The following PTPRT variants were observed in gnomAD, a reference collection of about 807,000 sequenced individuals.
The protein encoded by PTPRT is protein tyrosine phosphatase receptor type T.
A neutral mutation model predicts 176.8 loss-of-function variants in PTPRT; 56 were observed. That is an observed-to-expected ratio of 0.32 (90% CI 0.26 to 0.40). The LOEUF is 0.40. PTPRT is among the 10% of genes least tolerant of loss of function. The pLI is 1.00. For synonymous variants in PTPRT, 783 were observed against 739.0 expected (o/e 1.06, Z -0.96); for missense variants, 1,540 against 1,908.2 (o/e 0.81, Z 3.60).
At chr20:42,657,797 A>G (rs1313220659) in intron 7 of PTPRT, among the ~76,000 whole-genome samples, 1 of 152,154 alleles carries the variant, frequency 6.6e-6, no homozygotes, top group African/African-American at 2.4e-5. Context: ...TTCCATTTGC[A>G]TATTCCTGAA....
chr20:42,959,470 C>T (rs906689431), intron 1 of PTPRT, among the ~76,000 whole-genome samples: 20 of 152,142 alleles, frequency 1.3e-4, no homozygotes, highest in African/African-American at 4.8e-4. Flanking sequence ...TCGGATGCAT[C>T]ATCTCATTTA....
rs901742821 is a variant in PTPRT at position 42,080,728 on chromosome 20, GC to G, written c.*150del. On this transcript the variant is annotated 3_prime_UTR_variant, in exon 31 of 31. Coordinates refer to ENST00000373187, the MANE Select transcript of PTPRT (RefSeq NM_007050.6). ...CAGGAGACCCCTCAGAAGGTGCAGA[GC>G]CCCCCGTGGAACACAGGGCCACCAG... The G allele has an allele frequency of 7.3e-6, 5 of 683,270 alleles. No individual in the cohort carries two copies. The highest frequency in any genetic ancestry group is 4.8e-5 in the Admixed American group (2 of 41,726). 42.3% of individuals were successfully genotyped at this position (683,270 alleles called of 1,614,324 possible). A position where few individuals can be genotyped will look rare whatever the true frequency, so the allele number is the denominator to read the frequency against.
intron 6 of PTPRT, among the ~76,000 whole-genome samples, chr20:42,741,173 G>A (rs950406710): frequency 6.6e-6 from 1 of 152,140 alleles, no homozygotes; most frequent in African/African-American, 2.4e-5. Context: ...TAGGCACAAA[G>A]GTAAGAGAGA....
intron 15 of PTPRT, among the ~76,000 whole-genome samples, chr20:42,224,895 C>T (rs1032106478): frequency 1.3e-5 from 2 of 152,144 alleles, no homozygotes; most frequent in African/African-American, 4.8e-5. Context: ...CCAGCCACAT[C>T]TCAATAAACA....
chr20:42,204,909 G>T (rs1404962325), intron 15 of PTPRT, among the ~76,000 whole-genome samples: 1 of 151,944 alleles, frequency 6.6e-6, no homozygotes, highest in Non-Finnish European at 1.5e-5. Flanking sequence ...GCATCTGATG[G>T]TTGGGTCTCT....
At chr20:42,436,153 G>A (rs1055280957) in intron 9 of PTPRT, among the ~76,000 whole-genome samples, 1 of 152,170 alleles carries the variant, frequency 6.6e-6, no homozygotes, top group Admixed American at 6.5e-5. Flanking sequence ...ACTTTTAGCA[G>A]AAATATAGGC....
At chr20:42,233,883 G>T (rs1467716039) in intron 15 of PTPRT, among the ~76,000 whole-genome samples, 2 of 152,292 alleles carry the variant, frequency 1.3e-5, no homozygotes, top group East Asian at 3.9e-4. Context: ...CAATTGAAAG[G>T]CCTGTGTTTA....
At chr20:42,918,311 C>T (rs188377104) in intron 1 of PTPRT, among the ~76,000 whole-genome samples, 450 of 152,268 alleles carry the variant, frequency 3.0e-3, no homozygotes, top group African/African-American at 9.8e-3. Context: ...TAACAGCTTA[C>T]GGCAAAGAAC....
At chr20:42,803,379 T>TC (rs2077558357) in intron 2 of PTPRT, among the ~76,000 whole-genome samples, 1 of 152,162 alleles carries the variant, frequency 6.6e-6, no homozygotes, top group African/African-American at 2.4e-5. Context: ...CCACTTTTTT[T>TC]CCCCAGACAG....
At chr20:42,047,878 A>G in the PTPRT span, among the ~76,000 whole-genome samples, 7 of 152,336 alleles carry the variant, frequency 4.6e-5, no homozygotes, top group East Asian at 1.4e-3. Context: ...CCAGTGCCCA[A>G]TATCATCTTC....
intron 7 of PTPRT, among the ~76,000 whole-genome samples, chr20:42,539,407 G>A (rs2072537766): frequency 6.8e-6 from 1 of 146,830 alleles, no homozygotes; most frequent in Non-Finnish European, 1.5e-5. Flanking sequence ...GGCCTGGTTA[G>A]TACTTGAATG....
intron 18 of PTPRT, among the ~76,000 whole-genome samples, chr20:42,135,546 G>A (rs1378987560): frequency 6.6e-6 from 1 of 152,182 alleles, no homozygotes; most frequent in Non-Finnish European, 1.5e-5. Flanking sequence ...AATGTTTAGT[G>A]ACTTAGTGCA....
Position 42,686,457 on chromosome 20 carries a change from C to CTTTTT in PTPRT, c.860-8303_860-8299dup, listed in dbSNP as rs71193668. On this transcript the variant is annotated intron_variant, in intron 6 of 30. Transcript: ENST00000373187. ...TAGCACTTCCAGCTCATAGTGCACT[C>CTTTTT]TTTTTTTTTTTTTTTTTTTTTTTTT... The CTTTTT allele has an allele frequency of 7.7e-5, 6 of 78,378 alleles. 1 individual carries two copies. The highest frequency in any genetic ancestry group is 1.4e-4 in the Non-Finnish European group (6 of 43,124). 4.9% of individuals were successfully genotyped at this position (78,378 alleles called of 1,614,324 possible). A position where few individuals can be genotyped will look rare whatever the true frequency, so the allele number is the denominator to read the frequency against.
intron 12 of PTPRT, among the ~76,000 whole-genome samples, chr20:42,306,929 A>C (rs925995488): frequency 1.3e-5 from 2 of 152,204 alleles, no homozygotes. Context: ...TGTGAGACCA[A>C]TCAAGGAAGC....
chr20:42,361,847 G>A (rs2058436219), intron 9 of PTPRT, among the ~76,000 whole-genome samples: 1 of 152,174 alleles, frequency 6.6e-6, no homozygotes, highest in African/African-American at 2.4e-5. Context: ...TAATAAAGTT[G>A]TTGTTTTATT....
chr20:43,121,486 A>T (rs2013255230), intron 1 of PTPRT, among the ~76,000 whole-genome samples: 1 of 151,906 alleles, frequency 6.6e-6, no homozygotes, highest in Non-Finnish European at 1.5e-5. Context: ...CAACACAGGC[A>T]TTTTGTCTGT....
In PTPRT at chr20:43,009,912, G is replaced by A. The variant is rs78204026; in HGVS notation, c.89-123980C>T. On this transcript the variant is annotated intron_variant, in intron 1 of 30. Coordinates refer to ENST00000373187, the MANE Select transcript of PTPRT (RefSeq NM_007050.6). ...TGGCTGCAGAGCTGCATTTCCAGCT[G>A]CCTGATAGATTTCACCAATCTGCCC... Among the ~76,000 whole-genome samples the A allele has an allele frequency of 4.0e-3, 602 of 152,242 alleles. 4 individuals carry two copies. The highest frequency in any genetic ancestry group is 0.014 in the African/African-American group (588 of 41,534).
chr20:42,634,805 G>C (rs1332976221), intron 7 of PTPRT, among the ~76,000 whole-genome samples: 1 of 152,104 alleles, frequency 6.6e-6, no homozygotes, highest in Non-Finnish European at 1.5e-5. Context: ...AACGCAGTCT[G>C]CTTTGGGAGT....
rs1207353737 is a variant in PTPRT, at chr20:42,074,726, A to G, written c.*6153T>C. The stretch of plus-strand genomic sequence containing the variant: ...TGTTGATGCCTCCTTTTAGAGACCT[A>G]ACATTCATGAGTGGATTTCAGTTGG... On this transcript the variant is annotated 3_prime_UTR_variant, in exon 31 of 31. Coordinates refer to ENST00000373187, the MANE Select transcript of PTPRT (RefSeq NM_007050.6). The G allele has an allele frequency of 5.0e-6, 2 of 398,420 alleles. No homozygotes were observed. Among genetic ancestry groups the G allele is most frequent in the African/African-American group, 2.1e-5 (1 of 48,610 alleles). 24.7% of individuals were successfully genotyped at this position (398,420 alleles called of 1,614,324 possible). A position where few individuals can be genotyped will look rare whatever the true frequency, so the allele number is the denominator to read the frequency against.
Sources: allele counts gnomAD v4.1 joint callset (sites outside exome capture counted in the v4.1 genomes callset), GRCh38; gene constraint gnomAD v4.1.1; transcripts MANE v1.5; gene names NCBI Gene and HGNC (gene_info 2026-07-23, HGNC 2026-07-21).